KCTD8: variants seen among roughly 807,000 people sequenced by gnomAD.
KCTD8 encodes the protein potassium channel tetramerization domain containing 8, also known as BTB/POZ domain-containing protein KCTD8.
Under a neutral mutation model 31.5 loss-of-function variants are expected in KCTD8, and 27 were observed. That is an observed-to-expected ratio of 0.86 (90% CI 0.63 to 1.18). KCTD8 has a LOEUF of 1.18. Ranked by LOEUF, KCTD8 falls within the 50% of genes most tolerant of loss-of-function variation. The pLI is 0.00. For synonymous variants in KCTD8, 290 were observed against 280.0 expected (o/e 1.04, Z -0.36); for missense variants, 658 against 647.7 (o/e 1.02, Z -0.17).
intron 1 of KCTD8, among the ~76,000 whole-genome samples, chr4:44,235,525 TTA>T (rs752341720): frequency 3.2e-3 from 175 of 55,038 alleles, no homozygotes; most frequent in African/African-American, 3.5e-3. Context: ...AGACACTGGA[TTA>T]TATATATATA....
At chr4:44,294,711 C>T (rs545089277) in intron 1 of KCTD8, among the ~76,000 whole-genome samples, 13 of 152,234 alleles carry the variant, frequency 8.5e-5, no homozygotes, top group African/African-American at 2.6e-4. Context: ...CCTATATATC[C>T]ATTTTGTGGA....
At chr4:44,190,760 A>G (rs929577177) in intron 1 of KCTD8, among the ~76,000 whole-genome samples, 3 of 152,204 alleles carry the variant, frequency 2.0e-5, no homozygotes, top group Non-Finnish European at 4.4e-5. Flanking sequence ...AGTAGGGGAG[A>G]ATGAGAGCTG....
intron 1 of KCTD8, among the ~76,000 whole-genome samples, chr4:44,265,794 C>T (rs147152019): frequency 0.078 from 11,888 of 151,774 alleles, 540 homozygotes; most frequent in Non-Finnish European, 0.11. Flanking sequence ...AGGGTATCAG[C>T]CATGGAAGAT....
At chr4:44,373,444 C>A (rs1447166917) in intron 1 of KCTD8, among the ~76,000 whole-genome samples, 1 of 152,020 alleles carries the variant, frequency 6.6e-6, no homozygotes, top group Non-Finnish European at 1.5e-5. Flanking sequence ...CTCTGCAACT[C>A]ACTCACTCTA....
In KCTD8 at chr4:44,175,143, T is replaced by A. The variant is rs1713169736; in HGVS notation, c.1069A>T (p.Thr357Ser). 1 of 1,613,856 alleles carries A rather than the reference T, an allele frequency of 6.2e-7. No homozygotes were observed. The highest frequency in any genetic ancestry group is 8.5e-7 in the Non-Finnish European group (1 of 1,179,930). The change falls in exon 2 of 2, where the codon ACT becomes TCT. Residue 357 changes from threonine to serine, a missense_variant. Coordinates refer to ENST00000360029, the MANE Select transcript of KCTD8 (RefSeq NM_198353.3). ...TCTGAATGGCTGTCACAACTGGAAG[T>A]GGAGAGCTCATTACAGGAAGTCCCA... ...ESGTSCNELS[T>S]SSCDSHSEAS...
chr4:44,192,792 C>G (rs981307877), intron 1 of KCTD8, among the ~76,000 whole-genome samples: 1 of 152,174 alleles, frequency 6.6e-6, no homozygotes, highest in Non-Finnish European at 1.5e-5. Context: ...AGGTGGGCAT[C>G]ATCTAATCAG....
chr4:44,298,537 G>A lies in KCTD8; in HGVS notation c.962-123287C>T, dbSNP rs186581583. On this transcript the variant is annotated intron_variant, in intron 1 of 1. Transcript: ENST00000360029. ...TGTAGCAGCAATAAGATATATAAATGTATTTCAAAATCACCTGAGGGGAAG... is the reference window on the plus strand; with the variant it reads ...TGTAGCAGCAATAAGATATATAAATATATTTCAAAATCACCTGAGGGGAAG... Among the ~76,000 whole-genome samples the A allele has an allele frequency of 2.5e-3, 384 of 152,140 alleles. 1 individual carries two copies. Among genetic ancestry groups the A allele is most frequent in the African/African-American group, 8.5e-3 (353 of 41,532 alleles).
intron 1 of KCTD8, among the ~76,000 whole-genome samples, chr4:44,411,124 T>C (rs1720943590): frequency 6.6e-6 from 1 of 152,162 alleles, no homozygotes; most frequent in African/African-American, 2.4e-5. Flanking sequence ...CACTCCATTT[T>C]TCTTACAATA....
intron 1 of KCTD8, among the ~76,000 whole-genome samples, chr4:44,394,504 T>C (rs1286551299): frequency 6.6e-6 from 1 of 152,132 alleles, no homozygotes; most frequent in Non-Finnish European, 1.5e-5. Flanking sequence ...TGTATTCCCA[T>C]ATTATCATAT....
At chr4:44,319,461 TAAA>T (rs752761296) in intron 1 of KCTD8, among the ~76,000 whole-genome samples, 2 of 136,444 alleles carry the variant, frequency 1.5e-5, no homozygotes. Flanking sequence ...ACCCCTGTGG[TAAA>T]AAAAAAAAAA....
intron 1 of KCTD8, among the ~76,000 whole-genome samples, chr4:44,281,880 G>A (rs1716914637): frequency 6.6e-6 from 1 of 151,932 alleles, no homozygotes; most frequent in African/African-American, 2.4e-5. Flanking sequence ...TGAAGAGGCA[G>A]GTCTAGTATA....
intron 1 of KCTD8, among the ~76,000 whole-genome samples, chr4:44,242,939 T>C (rs1715548047): frequency 6.6e-6 from 1 of 152,178 alleles, no homozygotes; most frequent in Admixed American, 6.5e-5. Context: ...GACAATGTCA[T>C]GCTTGTACAA....
chr4:44,237,060 T>C (rs1715312790), intron 1 of KCTD8, among the ~76,000 whole-genome samples: 1 of 152,164 alleles, frequency 6.6e-6, no homozygotes, highest in Non-Finnish European at 1.5e-5. Context: ...CAGTCTTGGG[T>C]ATGTCTTTAT....
At chr4:44,325,194 C>A (rs895268010) in intron 1 of KCTD8, among the ~76,000 whole-genome samples, 1 of 151,880 alleles carries the variant, frequency 6.6e-6, no homozygotes, top group South Asian at 2.1e-4. Flanking sequence ...TGGGTGGAAG[C>A]TGGATGTGCA....
intron 1 of KCTD8, among the ~76,000 whole-genome samples, chr4:44,421,371 C>G (rs1721206284): frequency 6.6e-6 from 1 of 151,812 alleles, no homozygotes; most frequent in Admixed American, 6.6e-5. Flanking sequence ...TTTAAGTGTT[C>G]TTAAATTTTA....
At chr4:44,261,199 G>C (rs1716150803) in intron 1 of KCTD8, among the ~76,000 whole-genome samples, 1 of 151,970 alleles carries the variant, frequency 6.6e-6, no homozygotes, top group Non-Finnish European at 1.5e-5. Context: ...TGTTCACTAA[G>C]TTGGGGTAAA....
intron 1 of KCTD8, among the ~76,000 whole-genome samples, chr4:44,265,233 A>G (rs1214026777): frequency 6.6e-6 from 1 of 152,150 alleles, no homozygotes; most frequent in East Asian, 1.9e-4. Flanking sequence ...TTCACGGTTC[A>G]CGAAAATCCG....
chr4:44,224,996 T>G (rs1177552850), intron 1 of KCTD8, among the ~76,000 whole-genome samples: 1 of 152,128 alleles, frequency 6.6e-6, no homozygotes, highest in East Asian at 1.9e-4. Context: ...CCCCATACAA[T>G]TTTAAGGGGG....
chr4:44,265,911 A>C (rs1030918888), intron 1 of KCTD8, among the ~76,000 whole-genome samples: 5 of 152,178 alleles, frequency 3.3e-5, no homozygotes, highest in African/African-American at 1.2e-4. Context: ...CCAAATCTAC[A>C]TCTGATTGGT....
Sources: gnomAD v4.1 joint callset for allele counts (sites outside exome capture counted in the v4.1 genomes callset) on GRCh38, gnomAD v4.1.1 for gene constraint, MANE v1.5 for transcripts, NCBI Gene and HGNC (gene_info 2026-07-23, HGNC 2026-07-21) for gene names.